The following ITPR2 variants were observed in gnomAD, a reference collection of about 807,000 sequenced individuals.
The protein encoded by ITPR2 is inositol 1,4,5-trisphosphate receptor type 2, also known as inositol 1,4,5-trisphosphate-gated calcium channel ITPR2.
A neutral mutation model predicts 317.1 loss-of-function variants in ITPR2; 207 were observed. The observed-to-expected ratio is 0.65, with a 90% CI of 0.58 to 0.73. The LOEUF (loss-of-function observed/expected upper bound fraction) is 0.73. Among genes scored for constraint, ITPR2 ranks in the 30% least tolerant of loss-of-function variants. ITPR2 has a pLI of 0.00. For missense variants in ITPR2, 2,613 were observed against 3,284.0 expected (o/e 0.80, Z 4.99); for synonymous variants, 1,156 against 1,149.1 (o/e 1.01, Z -0.12).
chr12:26,525,478 A>G (rs1211113143), intron 37 of ITPR2, among the ~76,000 whole-genome samples: 1 of 152,174 alleles, frequency 6.6e-6, no homozygotes, highest in Admixed American at 6.5e-5. Flanking sequence ...TTAATCTTAT[A>G]GAGTCACTCC....
rs543760887 is a variant in ITPR2, at chr12:26,457,321, G to C, written c.6343-13671C>G. 1.1e-4 allele frequency among the ~76,000 whole-genome samples: 16 copies of C among 152,296 alleles called. 1 individual carries two copies. In the East Asian group the frequency reaches 3.1e-3, roughly 29 times the overall value. The stretch of plus-strand genomic sequence containing the variant: ...CTTGACTCCAAGGCACAGCCAGGAG[G>C]CCAGTGTGGCTTGAGCAGAATAAGT... On this transcript the variant is annotated intron_variant, in intron 45 of 56. Transcript: ENST00000381340.
At chr12:26,346,287 TG>T (rs1483902869) in intron 55 of ITPR2, among the ~76,000 whole-genome samples, 2 of 152,172 alleles carry the variant, frequency 1.3e-5, no homozygotes, top group African/African-American at 4.8e-5. Context: ...GTAGAAACCT[TG>T]TAGTCATTCA....
chr12:26,442,318 TTA>T (rs1298891667), intron 46 of ITPR2, among the ~76,000 whole-genome samples: 2 of 152,160 alleles, frequency 1.3e-5, no homozygotes, highest in Non-Finnish European at 2.9e-5. Context: ...GGCCCTTTGT[TTA>T]TATACTTATA....
chr12:26,399,931 C>T (rs1239323766), intron 53 of ITPR2, among the ~76,000 whole-genome samples, 197 bp downstream of exon 53: 1 of 152,182 alleles, frequency 6.6e-6, no homozygotes, highest in African/African-American at 2.4e-5. Flanking sequence ...CACCACTCTA[C>T]GAACACACAA....
chr12:26,703,359 T>C (rs1306406773), intron 9 of ITPR2, among the ~76,000 whole-genome samples: 1 of 152,208 alleles, frequency 6.6e-6, no homozygotes, highest in Admixed American at 6.5e-5. Context: ...GTGTTAATCA[T>C]CTCTGTTTTC....
At chr12:26,714,939 A>C (rs546308114) in intron 8 of ITPR2, among the ~76,000 whole-genome samples, 1 of 152,038 alleles carries the variant, frequency 6.6e-6, no homozygotes, top group Non-Finnish European at 1.5e-5. Context: ...GAGGCATCCT[A>C]CTCCATCTTG....
At chr12:26,620,888 A>G (rs964674663) in intron 26 of ITPR2, among the ~76,000 whole-genome samples, 1 of 152,198 alleles carries the variant, frequency 6.6e-6, no homozygotes, top group Non-Finnish European at 1.5e-5. Context: ...TTACCGTGGA[A>G]ATGACAAAGA....
In ITPR2 at chr12:26,367,148, C is replaced by G. The variant is rs142199065; in HGVS notation, c.7857+20286G>C. Among the ~76,000 whole-genome samples the G allele has an allele frequency of 5.4e-3, 814 of 152,104 alleles. 4 individuals carry two copies. Among genetic ancestry groups the G allele is most frequent in the African/African-American group, 0.018 (762 of 41,486 alleles). ...GATATATACTTTTATCTCTGAAGGG[C>G]CTTTGAGAAAATTGTATAAAGTACT... On this transcript the variant is annotated intron_variant, in intron 55 of 56. Transcript: ENST00000381340.
chr12:26,348,544 G>T (rs1218967633), intron 55 of ITPR2, among the ~76,000 whole-genome samples: 1 of 152,198 alleles, frequency 6.6e-6, no homozygotes, highest in African/African-American at 2.4e-5. Flanking sequence ...TACTGCTCAA[G>T]GTGGGCAACA....
At chr12:26,721,235 A>G (rs1038702110) in intron 5 of ITPR2, 1 of 479,886 alleles carries the variant, frequency 2.1e-6, no homozygotes, top group Non-Finnish European at 3.8e-6. Context: ...AACCAACACA[A>G]GACTTAAAGT....
At chr12:26,527,092 A>C (rs1203153083) in intron 37 of ITPR2, among the ~76,000 whole-genome samples, 1 of 152,320 alleles carries the variant, frequency 6.6e-6, no homozygotes, top group South Asian at 2.1e-4. Flanking sequence ...AACAATTCCT[A>C]GGAAATGGTT....
At chr12:26,541,423 C>A (rs1281479006) in intron 37 of ITPR2, among the ~76,000 whole-genome samples, 1 of 152,102 alleles carries the variant, frequency 6.6e-6, no homozygotes, top group Admixed American at 6.5e-5. Context: ...TGATTTAAAA[C>A]AACATTAGAG....
chr12:26,609,363 T>C (rs1053264191), intron 26 of ITPR2, among the ~76,000 whole-genome samples: 1 of 152,138 alleles, frequency 6.6e-6, no homozygotes, highest in Non-Finnish European at 1.5e-5. Flanking sequence ...TCCCAGCACT[T>C]TGGGAGGCTA....
intron 45 of ITPR2, among the ~76,000 whole-genome samples, chr12:26,461,763 A>C (rs1467324510): frequency 1.3e-5 from 2 of 150,642 alleles, no homozygotes; most frequent in African/African-American, 2.5e-5. Context: ...CATTTCTAGA[A>C]GTTTTCTGAG....
At chr12:26,792,019 T>A (rs948723136) in intron 1 of ITPR2, among the ~76,000 whole-genome samples, 2 of 152,202 alleles carry the variant, frequency 1.3e-5, no homozygotes, top group Non-Finnish European at 2.9e-5. Context: ...AAATACAGAC[T>A]TTTATGAATG....
chr12:26,461,719 T>C (rs1379857942), intron 45 of ITPR2, among the ~76,000 whole-genome samples: 15 of 140,448 alleles, frequency 1.1e-4, no homozygotes, highest in South Asian at 6.8e-4. Flanking sequence ...CACACACACA[T>C]ACATATAAAG....
intron 55 of ITPR2, among the ~76,000 whole-genome samples, chr12:26,344,135 G>C (rs1347743242): frequency 6.6e-6 from 1 of 152,040 alleles, no homozygotes; most frequent in African/African-American, 2.4e-5. Context: ...CCAGACGTGG[G>C]CACCTTGAAA....
intron 45 of ITPR2, among the ~76,000 whole-genome samples, chr12:26,468,259 G>A (rs117299215): frequency 0.015 from 2,235 of 151,892 alleles, 32 homozygotes; most frequent in South Asian, 0.031. Flanking sequence ...AGAGAGAGAT[G>A]GTATCATGAA....
At chr12:26,521,563 T>TTTA (rs1380030332) in intron 37 of ITPR2, among the ~76,000 whole-genome samples, 1 of 152,106 alleles carries the variant, frequency 6.6e-6, no homozygotes, top group Non-Finnish European at 1.5e-5. Context: ...AGCATGTAGG[T>TTTA]TTACAGACTT....
Sources: gnomAD v4.1 joint callset for allele counts (sites outside exome capture counted in the v4.1 genomes callset) on GRCh38, gnomAD v4.1.1 for gene constraint, MANE v1.5 for transcripts, NCBI Gene and HGNC (gene_info 2026-07-23, HGNC 2026-07-21) for gene names.